The following NCAM2 variants were observed in gnomAD, a reference collection of about 807,000 sequenced individuals.
NCAM2 encodes the protein neural cell adhesion molecule 2, also known as N-CAM-2.
NCAM2 carries 30 observed loss-of-function variants against 98.1 expected under a neutral mutation model. The observed-to-expected ratio is 0.31, with a 90% CI of 0.23 to 0.41. The LOEUF is 0.41. NCAM2 is among the 10% of genes least tolerant of loss of function. NCAM2 has a pLI of 1.00. For synonymous variants in NCAM2, 368 were observed against 342.4 expected (o/e 1.07, Z -0.83); for missense variants, 867 against 1,005.8 (o/e 0.86, Z 1.87).
intron 9 of NCAM2, among the ~76,000 whole-genome samples, chr21:21,404,976 T>C (rs1472472225): frequency 6.6e-6 from 1 of 151,844 alleles, no homozygotes; most frequent in Non-Finnish European, 1.5e-5. Context: ...ACTCCACATG[T>C]AGTAACGCAT....
At chr21:21,276,975 A>G (rs2072752016) in intron 1 of NCAM2, among the ~76,000 whole-genome samples, 1 of 152,080 alleles carries the variant, frequency 6.6e-6, no homozygotes, top group Non-Finnish European at 1.5e-5. Context: ...ATGAATTAAG[A>G]TCAACAAATC....
intron 17 of NCAM2, among the ~76,000 whole-genome samples, chr21:21,534,905 AAGGTAAGTATCTTACAG>A (rs1989902306): frequency 6.6e-6 from 1 of 152,168 alleles, no homozygotes; most frequent in Non-Finnish European, 1.5e-5. Context: ...AAAGTATAAA[AAGGTAAGTATCTTACAG>A]AGTTTGAGGT....
At chr21:21,202,536 C>T (rs143065515) in intron 1 of NCAM2, among the ~76,000 whole-genome samples, 2 of 150,686 alleles carry the variant, frequency 1.3e-5, no homozygotes, top group South Asian at 2.1e-4. Context: ...CCTGCCTCAG[C>T]CTCCCAAGTA....
intron 1 of NCAM2, among the ~76,000 whole-genome samples, chr21:21,176,938 C>A (rs536751245): frequency 6.6e-6 from 1 of 151,740 alleles, no homozygotes; most frequent in South Asian, 2.1e-4. Flanking sequence ...AACAGACATA[C>A]CTATTATAAC....
chr21:21,124,318 T>C (rs767707588), intron 1 of NCAM2, among the ~76,000 whole-genome samples: 21 of 152,200 alleles, frequency 1.4e-4, no homozygotes, highest in Non-Finnish European at 2.9e-4. Flanking sequence ...ATATTTAGAA[T>C]GTAACATTAT....
chr21:21,181,974 C>G (rs2068488221), intron 1 of NCAM2, among the ~76,000 whole-genome samples: 1 of 150,608 alleles, frequency 6.6e-6, no homozygotes, highest in Non-Finnish European at 1.5e-5. Flanking sequence ...GGGAGGATTG[C>G]TTGATCCCAG....
chr21:21,241,825 G>T (rs1240393661), intron 1 of NCAM2, among the ~76,000 whole-genome samples: 2 of 151,986 alleles, frequency 1.3e-5, no homozygotes, highest in East Asian at 1.9e-4. Flanking sequence ...AAAATTTGAT[G>T]GTGAGTGTTC....
rs369149640 is a variant in NCAM2, at chr21:21,225,676, C to T, written c.56-54902C>T. On this transcript the variant is annotated intron_variant, in intron 1 of 17. Transcript: ENST00000400546. ...TCTATTTAATATCTTAATATTTACT[C>T]ATAAATTTCACCTAAAATTAAAGTT... is the stretch of plus-strand genomic sequence containing the variant. 1.3e-3 allele frequency among the ~76,000 whole-genome samples: 190 copies of T among 151,850 alleles called. 3 individuals carry two copies. The South Asian group carries it at 0.016, about 13-fold the overall frequency.
chr21:21,337,585 C>CA (rs1230498548), intron 7 of NCAM2, among the ~76,000 whole-genome samples: 2 of 151,784 alleles, frequency 1.3e-5, no homozygotes, highest in East Asian at 3.9e-4. Flanking sequence ...TGATTGTATC[C>CA]ATTTTATATC....
At position 21,534,580 on chromosome 21, in the gene NCAM2, G is replaced by A. The variant is rs779390298; in HGVS notation, c.2326G>A (p.Asp776Asn). 1 of 1,605,936 alleles carries A rather than the reference G, an allele frequency of 6.2e-7. No individual in the cohort carries two copies. Among genetic ancestry groups the A allele is most frequent in the Admixed American group, 1.7e-5 (1 of 59,438 alleles). Residue 776 changes from aspartate to asparagine, a missense_variant, in exon 17 of 18, where the codon GAT (aspartate) becomes AAT (asparagine). Physicochemically the swap from Asp to Asn is conservative, Grantham distance 23 (BLOSUM62 1). Transcript: ENST00000400546. Reference sequence around the variant, plus strand: ...ACCAATAGTGGAGATGAGAACAGAGGATGAAAGAGTTACTAATCACGAAGA... The same window carrying A: ...ACCAATAGTGGAGATGAGAACAGAGAATGAAAGAGTTACTAATCACGAAGA... ...KEPIVEMRTE[D>N]ERVTNHEDGS...
intron 1 of NCAM2, among the ~76,000 whole-genome samples, chr21:21,108,154 C>T (rs566819684): frequency 9.5e-4 from 145 of 152,056 alleles, no homozygotes; most frequent in Non-Finnish European, 2.9e-5. Flanking sequence ...AAAGTCTTTA[C>T]ATCTGAAAAA....
At chr21:21,471,801 A>G (rs1472669214) in intron 14 of NCAM2, among the ~76,000 whole-genome samples, 1 of 152,070 alleles carries the variant, frequency 6.6e-6, no homozygotes, top group Admixed American at 6.6e-5. Flanking sequence ...AGGAAACACC[A>G]TTATTCTGTC....
intron 1 of NCAM2, among the ~76,000 whole-genome samples, chr21:21,120,945 T>A (rs1009475585): frequency 6.6e-6 from 1 of 152,070 alleles, no homozygotes; most frequent in African/African-American, 2.4e-5. Flanking sequence ...CTTGAACTCC[T>A]GACCTCATGA....
chr21:21,127,729 G>A (rs2146598814), intron 1 of NCAM2, among the ~76,000 whole-genome samples: 2 of 152,036 alleles, frequency 1.3e-5, no homozygotes, highest in East Asian at 3.9e-4. Flanking sequence ...GCTGTGCTTG[G>A]CATATTTCAT....
intron 1 of NCAM2, among the ~76,000 whole-genome samples, chr21:21,035,353 A>T (rs1960182670): frequency 6.6e-6 from 1 of 152,168 alleles, no homozygotes. Flanking sequence ...ATACTCATGG[A>T]TAGTTATTGA....
intron 1 of NCAM2, among the ~76,000 whole-genome samples, chr21:21,080,049 G>A (rs548830584): frequency 1.5e-4 from 23 of 152,212 alleles, no homozygotes; most frequent in Non-Finnish European, 2.5e-4. Flanking sequence ...TGTTAAGAGG[G>A]TAGATCTCAA....
At chr21:21,083,880 A>G (rs776908542) in intron 1 of NCAM2, among the ~76,000 whole-genome samples, 14 of 152,210 alleles carry the variant, frequency 9.2e-5, no homozygotes, top group Admixed American at 2.6e-4. Flanking sequence ...TTGATAAATT[A>G]TACCTATCTT....
chr21:21,514,603 C>A (rs911029553), intron 16 of NCAM2, among the ~76,000 whole-genome samples: 13 of 151,930 alleles, frequency 8.6e-5, no homozygotes, highest in African/African-American at 3.1e-4. Context: ...GTCAGTAAGG[C>A]CCTCTATATT....
At chr21:21,405,957 A>G (rs2076730320) in intron 9 of NCAM2, among the ~76,000 whole-genome samples, 2 of 152,132 alleles carry the variant, frequency 1.3e-5, no homozygotes, top group African/African-American at 4.8e-5. Flanking sequence ...CAAATATACA[A>G]ATTTTACCAA....
Sources: allele counts gnomAD v4.1 joint callset (sites outside exome capture counted in the v4.1 genomes callset), GRCh38; gene constraint gnomAD v4.1.1; transcripts MANE v1.5; gene names NCBI Gene and HGNC (gene_info 2026-07-23, HGNC 2026-07-21).